The following FAM184A variants were observed in gnomAD, a reference collection of about 807,000 sequenced individuals.
FAM184A encodes the protein protein FAM184A.
FAM184A carries 99 observed loss-of-function variants against 143.8 expected under a neutral mutation model. The ratio of observed to expected loss-of-function variants is 0.69; its 90% CI spans 0.58 to 0.81. FAM184A has a LOEUF of 0.81. Among genes scored for constraint, FAM184A ranks in the 40% least tolerant of loss-of-function variants. FAM184A has a pLI of 0.00. For synonymous variants in FAM184A, 427 were observed against 446.4 expected (o/e 0.96, Z 0.55); for missense variants, 1,217 against 1,310.5 (o/e 0.93, Z 1.10).
Position 118,975,984 on chromosome 6 carries a change from T to G in FAM184A, c.2516A>C (p.Asn839Thr), listed in dbSNP as rs1239765480. Residue 839 changes from asparagine (N) to threonine (T), a missense_variant, in exon 12 of 18, where the codon AAT becomes ACT. Asn to Thr is a moderately conservative substitution (Grantham distance 65). Coordinates refer to ENST00000338891, the MANE Select transcript of FAM184A (RefSeq NM_024581.6). ...HAAAIDLLRH[N>T]HHQELAAAKM... is the part of the protein sequence containing the mutation. Reference sequence around the variant, plus strand: ...AGCAGCTGCCAATTCTTGATGATGATTATGCCGTAACAAATCAATTGCAGC... The same window carrying G: ...AGCAGCTGCCAATTCTTGATGATGAGTATGCCGTAACAAATCAATTGCAGC... The G allele has an allele frequency of 6.2e-7, 1 of 1,613,330 alleles. No homozygotes were observed. Among genetic ancestry groups the G allele is most frequent in the Non-Finnish European group, 8.5e-7 (1 of 1,179,776 alleles).
At position 118,976,036 on chromosome 6, in the gene FAM184A, G is replaced by T. The variant is rs750310450; in HGVS notation, c.2464C>A (p.Arg822Ser). ...DEGKAMLASL[R>S]SELNHQHAAA... ...GCATGTTGATGGTTGAGTTCTGAGCGCAAGGAAGCTGGAATTGCAAGGCAA... is the reference window on the plus strand; with the variant it reads ...GCATGTTGATGGTTGAGTTCTGAGCTCAAGGAAGCTGGAATTGCAAGGCAA... Residue 822 changes from arginine to serine, a missense_variant, in exon 12 of 18, where the codon CGC becomes AGC. Physicochemically the swap from Arg to Ser is moderately radical, Grantham distance 110. Coordinates refer to ENST00000338891, the MANE Select transcript of FAM184A (RefSeq NM_024581.6). The T allele has an allele frequency of 1.9e-6, 3 of 1,610,530 alleles. No individual in the cohort carries two copies. Among genetic ancestry groups the T allele is most frequent in the East Asian group, 2.2e-5 (1 of 44,706 alleles).
chr6:119,136,847 G>A (rs1180477514), intron 1 of FAM184A, among the ~76,000 whole-genome samples: 1 of 152,162 alleles, frequency 6.6e-6, no homozygotes, highest in Non-Finnish European at 1.5e-5. Context: ...CCACCAAGAC[G>A]GCTACAGTAA....
intron 1 of FAM184A, among the ~76,000 whole-genome samples, chr6:119,045,439 G>T (rs2114735152): frequency 6.6e-6 from 1 of 152,134 alleles, no homozygotes; most frequent in South Asian, 2.1e-4. Flanking sequence ...ATCACCTAGG[G>T]CTGGCTCAAG....
intron 9 of FAM184A, among the ~76,000 whole-genome samples, chr6:119,000,889 T>C (rs893440204): frequency 6.6e-6 from 1 of 151,430 alleles, no homozygotes; most frequent in Non-Finnish European, 1.5e-5. Flanking sequence ...GTGAGACCAG[T>C]AGGAGTGAAG....
At position 119,061,837 on chromosome 6, in the gene FAM184A, T is replaced by G. The variant is rs190898361; in HGVS notation, c.159+16304A>C. ...TAAAGGATACAAAAGTACCCTGATCTGATCACTAAACACTATATGTATCAA... is the reference window on the plus strand; with the variant it reads ...TAAAGGATACAAAAGTACCCTGATCGGATCACTAAACACTATATGTATCAA... On this transcript the variant is annotated intron_variant, in intron 1 of 17. Transcript: ENST00000338891. Among the ~76,000 whole-genome samples, 378 of 152,276 alleles carry G rather than the reference T, an allele frequency of 2.5e-3. 3 individuals carry two copies. Among genetic ancestry groups the G allele is most frequent in the African/African-American group, 8.9e-3 (370 of 41,560 alleles).
chr6:119,074,574 A>G (rs939913693), intron 1 of FAM184A, among the ~76,000 whole-genome samples: 1 of 152,286 alleles, frequency 6.6e-6, no homozygotes, highest in Non-Finnish European at 1.5e-5. Context: ...GAAAGAGACA[A>G]AAAGGGAAAA....
chr6:119,008,481 A>C (rs1295460315), intron 6 of FAM184A, among the ~76,000 whole-genome samples: 4 of 152,210 alleles, frequency 2.6e-5, no homozygotes, highest in Non-Finnish European at 5.9e-5. Flanking sequence ...CCAATTTAAG[A>C]GAAAAAGAAA....
At position 119,089,210 on chromosome 6, in the gene FAM184A, T is replaced by TTTATTTATTTA. The variant is rs1182578500; in HGVS notation, c.-202+59867_-202+59868insTAAATAAATAA. Among the ~76,000 whole-genome samples, 1,115 of 126,782 alleles carry TTTATTTATTTA rather than the reference T, an allele frequency of 8.8e-3. 9 individuals are homozygous for TTTATTTATTTA. The highest frequency in any genetic ancestry group is 0.03 in the Middle Eastern group (7 of 236). The allele number at this position is 126,782 out of a possible 152,430, so 83.2% of individuals were successfully genotyped here. On this transcript the variant is annotated intron_variant, in intron 1 of 16. Coordinates refer to the FAM184A transcript ENST00000352896. The stretch of plus-strand genomic sequence containing the variant: ...TCTTTATTTATTTATTTATTTATTT[T>TTTATTTATTTA]TTTATTTTTTTGAGACAGAGTCTCA...
chr6:119,076,526 G>A (rs1258931279), intron 1 of FAM184A, among the ~76,000 whole-genome samples: 3 of 151,988 alleles, frequency 2.0e-5, no homozygotes, highest in Non-Finnish European at 2.9e-5. Context: ...AAAAGAACAG[G>A]AAACTGAAAA....
rs1479056451 is a variant in FAM184A, at chr6:119,078,102, G to A, written c.159+39C>T. Reference sequence around the variant, plus strand: ...GAGACAGGTGAGTCCGGCGCGGCCCGCACGGGGTCGCCACCTGCCCCGTCG... The same window carrying A: ...GAGACAGGTGAGTCCGGCGCGGCCCACACGGGGTCGCCACCTGCCCCGTCG... On this transcript the variant is annotated intron_variant, in intron 1 of 17. Transcript: ENST00000338891. This position sits in a 1 kb window ranked among gnomAD's most constrained non-coding sequence, Gnocchi z 5.5. The A allele has an allele frequency of 1.1e-5, 17 of 1,548,990 alleles. No individual in the cohort carries two copies. Among genetic ancestry groups the A allele is most frequent in the Non-Finnish European group, 1.5e-5 (17 of 1,151,866 alleles).
At chr6:119,045,743 A>G (rs1297678331) in intron 1 of FAM184A, among the ~76,000 whole-genome samples, 1 of 152,210 alleles carries the variant, frequency 6.6e-6, no homozygotes, top group Admixed American at 6.5e-5. Context: ...AAGATTTCCT[A>G]TATTTTCATG....
intron 1 of FAM184A, among the ~76,000 whole-genome samples, chr6:119,137,688 C>T (rs1054134353): frequency 3.3e-5 from 5 of 152,158 alleles, no homozygotes; most frequent in Non-Finnish European, 7.3e-5. Flanking sequence ...CAGCCATTTC[C>T]TGAGTCATCT....
chr6:119,006,233 C>T (rs1352264409), intron 7 of FAM184A: 8 of 752,656 alleles, frequency 1.1e-5, no homozygotes, highest in Non-Finnish European at 2.0e-5. Flanking sequence ...ATAGCTGTGC[C>T]AACACCTTGA....
intron 1 of FAM184A, among the ~76,000 whole-genome samples, chr6:119,142,655 A>T (rs1336222258): frequency 6.6e-6 from 1 of 152,230 alleles, no homozygotes; most frequent in East Asian, 1.9e-4. Context: ...ACTCCTCTCC[A>T]GTACGAAGCC....
At chr6:119,025,428 G>A (rs760456905) in intron 1 of FAM184A, 22 of 518,302 alleles carry the variant, frequency 4.2e-5, no homozygotes, top group South Asian at 3.1e-4. Context: ...AATCCAATTT[G>A]TACTTTTTCT....
intron 1 of FAM184A, among the ~76,000 whole-genome samples, chr6:119,034,041 T>TATAGAGAGAGAG (rs1409214932): frequency 2.4e-5 from 1 of 42,008 alleles, no homozygotes; most frequent in African/African-American, 1.1e-4. Context: ...TATATATATA[T>TATAGAGAGAGAG]AGAGAGAGAG....
intron 9 of FAM184A, among the ~76,000 whole-genome samples, chr6:118,984,345 A>T (rs1033872270): frequency 6.6e-6 from 1 of 150,940 alleles, no homozygotes; most frequent in East Asian, 2.0e-4. Context: ...GCACCAACTG[A>T]TTTTATATTA....
intron 1 of FAM184A, among the ~76,000 whole-genome samples, chr6:119,036,215 TC>T (rs1487361910): frequency 7.1e-5 from 1 of 14,004 alleles, no homozygotes; most frequent in Non-Finnish European, 1.7e-4. Context: ...CGGTCCAGTG[TC>T]TTTTTTTTTT....
intron 15 of FAM184A, 133 bp from the exon 16 acceptor site, chr6:118,964,904 T>C (rs1285271141): frequency 3.1e-5 from 18 of 573,978 alleles, no homozygotes; most frequent in Non-Finnish European, 4.6e-5. Context: ...TGTTTAAAGA[T>C]TTCTTGACAT....
Sources: gnomAD v4.1 joint callset for allele counts (sites outside exome capture counted in the v4.1 genomes callset) on GRCh38, gnomAD v4.1.1 for gene constraint, Gnocchi (gnomAD v3.1) non-coding constraint, MANE v1.5 for transcripts, NCBI Gene and HGNC (gene_info 2026-07-23, HGNC 2026-07-21) for gene names.